Variants in NPLOC4 observed in about 807,000 individuals in gnomAD.
The protein encoded by NPLOC4 is NPL4 homolog, ubiquitin recognition factor, also known as nuclear protein localization protein 4 homolog.
A neutral mutation model predicts 80.6 loss-of-function variants in NPLOC4; 18 were observed. The ratio of observed to expected loss-of-function variants is 0.22; its 90% CI spans 0.15 to 0.33. NPLOC4 has a LOEUF of 0.33. Among genes scored for constraint, NPLOC4 ranks in the 10% least tolerant of loss-of-function variants. The pLI is 1.00. For missense variants in NPLOC4, 540 were observed against 786.1 expected (o/e 0.69, Z 3.74); for synonymous variants, 313 against 301.5 (o/e 1.04, Z -0.39).
intron 16 of NPLOC4, chr17:81,564,832 G>A (rs2033960859): frequency 6.4e-6 from 1 of 156,062 alleles, no homozygotes; most frequent in Non-Finnish European, 1.4e-5. Flanking sequence ...GGTGTTTGAT[G>A]TGTCTTTTGA....
At chr17:81,625,369 T>C (rs1209006769) in intron 2 of NPLOC4, among the ~76,000 whole-genome samples, 2 of 152,068 alleles carry the variant, frequency 1.3e-5, no homozygotes, top group Non-Finnish European at 2.9e-5. Flanking sequence ...GGTGGGCGCA[T>C]CTGTGTCTGA....
At chr17:81,616,922 C>T (rs9709130) in intron 3 of NPLOC4, among the ~76,000 whole-genome samples, 68,349 of 151,920 alleles carry the variant, frequency 0.45, 16,737 homozygotes, top group East Asian at 0.77. Context: ...AATGACCAGG[C>T]GGGATTCTAG....
chr17:81,562,394 C>G (rs2033877547), intron 16 of NPLOC4: 1 of 152,130 alleles, frequency 6.6e-6, no homozygotes, highest in Admixed American at 6.6e-5. Flanking sequence ...AAAAAATTAG[C>G]TGGGTGTGGT....
rs2034967348 is a variant in NPLOC4, at chr17:81,598,073, C to T, written c.922-757G>A. 2.0e-5 allele frequency among the ~76,000 whole-genome samples: 3 copies of T among 147,514 alleles called. No homozygotes were observed. In the South Asian group the frequency reaches 6.5e-4, roughly 32 times the overall value. ...TTGCGTCACTGCACTCCAGCCTGGC[C>T]CACAGAGCAAGACTCTGTCTCAAAA... is the stretch of plus-strand genomic sequence containing the variant. On this transcript the variant is annotated intron_variant, in intron 9 of 16. Transcript: ENST00000331134.
chr17:81,593,336 C>G (rs1346076287), intron 11 of NPLOC4, among the ~76,000 whole-genome samples: 3 of 152,030 alleles, frequency 2.0e-5, no homozygotes, highest in Non-Finnish European at 2.9e-5. Context: ...GAGGCCTGGA[C>G]CCAGCCCTGT....
intron 2 of NPLOC4, among the ~76,000 whole-genome samples, chr17:81,629,158 G>A (rs1279549422): frequency 3.4e-5 from 5 of 147,470 alleles, no homozygotes; most frequent in South Asian, 2.2e-4. Context: ...GATTACAGGC[G>A]TCAGCCACTG....
At chr17:81,582,389 G>T (rs2144108981) in intron 12 of NPLOC4, among the ~76,000 whole-genome samples, 1 of 152,336 alleles carries the variant, frequency 6.6e-6, no homozygotes. Context: ...ATCTAGCGGT[G>T]TTCTGTGTGT....
chr17:81,569,275 A>G (rs747920116), intron 13 of NPLOC4, among the ~76,000 whole-genome samples, 164 bp from the exon 14 acceptor site: 1 of 152,238 alleles, frequency 6.6e-6, no homozygotes, highest in African/African-American at 2.4e-5. Flanking sequence ...TATTAGTGTC[A>G]TCTCTAAACG....
rs1319341999 is a variant in NPLOC4 at position 81,559,304 on chromosome 17, C to A, written c.1782G>T (p.Gln594His). Reference protein sequence around the residue: ...WACQHCTFMNQPGTGHCEMCS... With the variant: ...WACQHCTFMNHPGTGHCEMCS... ...ACATCTCGCAGTGGCCTGTGCCTGG[C>A]TGGTTCATGAACGTGCAGTGCTGAC... is the stretch of plus-strand genomic sequence containing the variant. Residue 594 changes from glutamine to histidine, a missense_variant, in exon 17 of 17, where the codon CAG becomes CAT. Around this residue, in one of 6 missense-constraint regions of NPLOC4, gnomAD observed 87 missense variants for 70.3 expected, o/e 1.24. Transcript: ENST00000331134. 6.2e-7 allele frequency: 1 copy of A among 1,606,606 alleles called. No individual in the cohort carries two copies. The highest frequency in any genetic ancestry group is 8.5e-7 in the Non-Finnish European group (1 of 1,176,960).
Position 81,596,125 on chromosome 17 carries a change from C to T in NPLOC4, c.1111G>A (p.Val371Met), listed in dbSNP as rs766803057. ...ACTGTCCCTGTTATACCTGTAGCCACTGCAGTAACAAACTTGGATCCAAAA... is the reference window on the plus strand; with the variant it reads ...ACTGTCCCTGTTATACCTGTAGCCATTGCAGTAACAAACTTGGATCCAAAA... ...GHFGSKFVTA[V>M]ATGGPDNQVH... The change falls in exon 11 of 17, where the codon GTG (valine) becomes ATG (methionine). Residue 371 changes from valine (V) to methionine (M), a missense_variant. Physicochemically the swap from Val to Met is conservative, Grantham distance 21 (BLOSUM62 1). Around this residue, in one of 6 missense-constraint regions of NPLOC4, gnomAD observed 251 missense variants for 377.5 expected, o/e 0.66. Transcript: ENST00000331134. The T allele has an allele frequency of 1.2e-6, 2 of 1,613,912 alleles. No homozygotes were observed. Among genetic ancestry groups the T allele is most frequent in the Non-Finnish European group, 1.7e-6 (2 of 1,179,848 alleles).
chr17:81,584,165 G>A (rs2034515029), intron 12 of NPLOC4, among the ~76,000 whole-genome samples: 1 of 152,206 alleles, frequency 6.6e-6, no homozygotes, highest in Admixed American at 6.5e-5. Flanking sequence ...GTCCATGGGA[G>A]GACTAAAAGG....
At chr17:81,604,424 G>A (rs562212043) in intron 8 of NPLOC4, 124 bp downstream of exon 8, 7 of 789,852 alleles carry the variant, frequency 8.9e-6, no homozygotes, top group East Asian at 5.5e-5. Context: ...TGTTGTGCAC[G>A]TGCACCGGTG....
chr17:81,618,686 C>G (rs1310644405), intron 3 of NPLOC4, among the ~76,000 whole-genome samples: 21 of 151,620 alleles, frequency 1.4e-4, no homozygotes, highest in African/African-American at 5.1e-4. Flanking sequence ...GCCCGGCCAC[C>G]ACCCCGTCTG....
rs1298038021 is a variant in NPLOC4 at position 81,608,839 on chromosome 17, T to C, written c.436-17A>G. 3.2e-6 allele frequency: 5 copies of C among 1,559,044 alleles called. No homozygotes were observed. In the African/African-American group the frequency reaches 4.1e-5, roughly 13 times the overall value. On this transcript the variant is annotated splice_polypyrimidine_tract_variant and intron_variant, in intron 5 of 16. Coordinates refer to ENST00000331134, the MANE Select transcript of NPLOC4 (RefSeq NM_017921.4). ...ATCGAATGGCTGCCAAGACACAGAG[T>C]AAGCGAGTGCAGTCTCACACGTGCC...
At chr17:81,606,967 A>T (rs140100887) in intron 6 of NPLOC4, among the ~76,000 whole-genome samples, 153 bp from the exon 7 acceptor site, 475 of 152,320 alleles carry the variant, frequency 3.1e-3, no homozygotes, top group African/African-American at 0.011. Flanking sequence ...GATGATTCTA[A>T]TGGAAGCTCT....
rs1255018251 is a variant in NPLOC4 at position 81,558,725 on chromosome 17, G to A, written c.*534C>T. 12 of 152,448 alleles carry A rather than the reference G, an allele frequency of 7.9e-5. No individual in the cohort carries two copies. Among genetic ancestry groups the A allele is most frequent in the Non-Finnish European group, 1.8e-4 (12 of 68,234 alleles). 9.4% of individuals were successfully genotyped at this position (152,448 alleles called of 1,614,324 possible). A position where few individuals can be genotyped will look rare whatever the true frequency, so the allele number is the denominator to read the frequency against. ...AACCGACCTGCAGACCTGCAGAGGG[G>A]AGCCGTGTCCAGGGCCACTGCGTCC... is the stretch of plus-strand genomic sequence containing the variant. On this transcript the variant is annotated 3_prime_UTR_variant, in exon 17 of 17. Transcript: ENST00000331134.
Position 81,603,031 on chromosome 17 carries a change from TG to T in NPLOC4, c.834+1516del, listed in dbSNP as rs375412180. On this transcript the variant is annotated intron_variant, in intron 8 of 16. Transcript: ENST00000331134. ...CACACACACATATAAAAGTCAGACA[TG>T]GTGGTGCACGCCTGTAGTCCCAGAC... 4.4e-4 allele frequency among the ~76,000 whole-genome samples: 64 copies of T among 145,040 alleles called. No homozygotes were observed. The East Asian group carries it at 0.012, about 28-fold the overall frequency.
intron 12 of NPLOC4, among the ~76,000 whole-genome samples, chr17:81,576,483 G>C (rs997131785): frequency 6.6e-6 from 1 of 152,146 alleles, no homozygotes; most frequent in Non-Finnish European, 1.5e-5. Flanking sequence ...ATGTGGACTT[G>C]ACTATATATG....
chr17:81,635,959 G>A (rs1272357245), intron 1 of NPLOC4, among the ~76,000 whole-genome samples: 2 of 151,772 alleles, frequency 1.3e-5, no homozygotes, highest in Non-Finnish European at 2.9e-5. Flanking sequence ...TTACGTTAAG[G>A]AGGAGTGTGT....
Sources: allele counts gnomAD v4.1 joint callset (sites outside exome capture counted in the v4.1 genomes callset), GRCh38; gene constraint gnomAD v4.1.1; regional missense constraint gnomAD v4.1.1; transcripts MANE v1.5; gene names NCBI Gene and HGNC (gene_info 2026-07-23, HGNC 2026-07-21).